ZNF607: variants seen among roughly 807,000 people sequenced by gnomAD.
The protein encoded by ZNF607 is zinc finger protein 607.
ZNF607 carries 5 observed loss-of-function variants against 12.8 expected under a neutral mutation model. The ratio of observed to expected loss-of-function variants is 0.39; its 90% CI spans 0.20 to 0.82. The LOEUF (loss-of-function observed/expected upper bound fraction) is 0.82, where lower values mean the gene tolerates loss of function less well. ZNF607 is among the 40% of genes least tolerant of loss of function. The probability of loss-of-function intolerance (pLI) is 0.39; values close to 1 mark genes in which losing one functional copy is unlikely to be tolerated. For missense variants in ZNF607, 851 were observed against 859.2 expected (o/e 0.99, Z 0.12); for synonymous variants, 287 against 276.2 (o/e 1.04, Z -0.39).
chr19:37,712,868 T>C (rs1174153353), intron 1 of ZNF607, among the ~76,000 whole-genome samples: 18 of 152,198 alleles, frequency 1.2e-4, no homozygotes, highest in Admixed American at 1.2e-3. Context: ...TCCCCAAACC[T>C]AAACTCACTT....
intron 4 of ZNF607, among the ~76,000 whole-genome samples, chr19:37,707,326 T>C (rs2891656): frequency 0.022 from 3,286 of 152,056 alleles, 127 homozygotes; most frequent in African/African-American, 0.074. Context: ...ACCCTGTCTC[T>C]ACAAAAATAC....
At position 37,717,593 on chromosome 19, in the gene ZNF607, C is replaced by T. The variant is rs1204813064; in HGVS notation, c.-75+1676G>A. 5.9e-3 allele frequency among the ~76,000 whole-genome samples: 858 copies of T among 145,472 alleles called. 10 individuals are homozygous for T. Among genetic ancestry groups the T allele is most frequent in the African/African-American group, 0.021 (809 of 39,172 alleles). ...GGTGGATCACCTGAGGTTGGGAGTT[C>T]AAGACCAGCCTGACCCACATGGAGA... On this transcript the variant is annotated intron_variant, in intron 1 of 4. Transcript: ENST00000355202.
chr19:37,703,454 C>T (rs2045056502), intron 4 of ZNF607, among the ~76,000 whole-genome samples: 1 of 152,126 alleles, frequency 6.6e-6, no homozygotes, highest in African/African-American at 2.4e-5. Flanking sequence ...CATCACCTCA[C>T]ACCCATCAGG....
In ZNF607 at chr19:37,699,652, T is replaced by C. The variant is rs978097059; in HGVS notation, c.479A>G (p.His160Arg). The C allele has an allele frequency of 6.2e-7, 1 of 1,614,146 alleles. No individual in the cohort carries two copies. The highest frequency in any genetic ancestry group is 1.7e-5 in the Admixed American group (1 of 60,034). Residue 160 changes from histidine (H) to arginine (R), a missense_variant, in exon 5 of 5, where the codon CAT becomes CGT. Physicochemically the swap from His to Arg is conservative, Grantham distance 29. Transcript: ENST00000355202. ...TTTCTCACGAGCATTAATTTTCTGA[T>C]GCTTTCTAAGGTCTGTAAGATGGCT... ...AFSHLTDLRK[H>R]QKINAREKPY...
Position 37,697,486 on chromosome 19 carries a change from T to C in ZNF607, c.*554A>G, listed in dbSNP as rs2044986455. 1.6e-6 allele frequency: 1 copy of C among 635,780 alleles called. No homozygotes were observed. Among genetic ancestry groups the C allele is most frequent in the South Asian group, 1.6e-5 (1 of 62,488 alleles). 39.4% of individuals were successfully genotyped at this position (635,780 alleles called of 1,614,324 possible). The stretch of plus-strand genomic sequence containing the variant: ...ATGTAATTCTAACAGCACTATACTG[T>C]AGGTACTACTATCATCATTTATATA... On this transcript the variant is annotated 3_prime_UTR_variant, in exon 5 of 5. Coordinates refer to ENST00000355202, the MANE Select transcript of ZNF607 (RefSeq NM_032689.5).
rs2044974267 is a variant in ZNF607 at position 37,696,430 on chromosome 19, A to AT, written c.*1609dup. On this transcript the variant is annotated 3_prime_UTR_variant, in exon 5 of 5. Transcript: ENST00000355202. Reference sequence around the variant, plus strand: ...AGTATATTTCATGTAGTTTCCCATAATTTTTTCATGTACTAACTCATGTAA... The same window carrying AT: ...AGTATATTTCATGTAGTTTCCCATAATTTTTTTCATGTACTAACTCATGTAA... 1 of 250,368 alleles carries AT rather than the reference A, an allele frequency of 4.0e-6. No homozygotes were observed. The highest frequency in any genetic ancestry group is 7.7e-6 in the Non-Finnish European group (1 of 129,246). 15.5% of individuals were successfully genotyped at this position (250,368 alleles called of 1,614,324 possible).
At chr19:37,716,131 A>C (rs1222284887) in intron 1 of ZNF607, among the ~76,000 whole-genome samples, 1 of 152,194 alleles carries the variant, frequency 6.6e-6, no homozygotes, top group Non-Finnish European at 1.5e-5. Flanking sequence ...TTACAGATCT[A>C]ATGGGCTTTG....
intron 1 of ZNF607, among the ~76,000 whole-genome samples, chr19:37,715,285 T>A (rs994366789): frequency 5.3e-5 from 8 of 151,982 alleles, no homozygotes; most frequent in South Asian, 2.1e-4. Flanking sequence ...ATGGCCCACC[T>A]TTAAGAAAAT....
At chr19:37,717,683 G>C (rs987084522) in intron 1 of ZNF607, among the ~76,000 whole-genome samples, 1 of 150,758 alleles carries the variant, frequency 6.6e-6, no homozygotes, top group Non-Finnish European at 1.5e-5. Context: ...GCCCATGCTT[G>C]TAATCTCAGC....
At chr19:37,715,303 T>G (rs2145250641) in intron 1 of ZNF607, among the ~76,000 whole-genome samples, 1 of 151,860 alleles carries the variant, frequency 6.6e-6, no homozygotes, top group South Asian at 2.1e-4. Flanking sequence ...AATACAAGTC[T>G]TCTTTAAAAA....
chr19:37,703,925 A>G (rs936766035), intron 4 of ZNF607, among the ~76,000 whole-genome samples: 12 of 152,316 alleles, frequency 7.9e-5, no homozygotes, highest in African/African-American at 2.9e-4. Context: ...TCATGAGGTC[A>G]GGAGATCGAG....
chr19:37,716,250 G>GA lies in ZNF607; in HGVS notation c.-75+3018dup, dbSNP rs1017363057. 1.4e-4 allele frequency among the ~76,000 whole-genome samples: 21 copies of GA among 151,436 alleles called. No individual in the cohort carries two copies. In the East Asian group the frequency reaches 2.1e-3, roughly 15 times the overall value. ...GGTGGAAACAAATAAGAGAACTATA[G>GA]AAAAAAAAATTGATTGGTGACTATC... On this transcript the variant is annotated intron_variant, in intron 1 of 4. Transcript: ENST00000355202.
chr19:37,706,175 CAG>C (rs961158289), intron 4 of ZNF607, among the ~76,000 whole-genome samples: 14 of 148,094 alleles, frequency 9.5e-5, no homozygotes, highest in Non-Finnish European at 2.1e-4. Flanking sequence ...GCCTGGGCAA[CAG>C]AGCAAGACTC....
chr19:37,703,202 GCCT>G (rs2045053661), intron 4 of ZNF607, among the ~76,000 whole-genome samples: 1 of 151,056 alleles, frequency 6.6e-6, no homozygotes, highest in African/African-American at 2.4e-5. Flanking sequence ...GCCCGCCTTG[GCCT>G]CCCAGAGTGA....
At position 37,698,548 on chromosome 19, in the gene ZNF607, C is replaced by G. The variant is rs150135894; in HGVS notation, c.1583G>C (p.Ser528Thr). The G allele has an allele frequency of 2.3e-4, 366 of 1,611,810 alleles. No individual in the cohort carries two copies. The highest frequency in any genetic ancestry group is 2.9e-4 in the Non-Finnish European group (341 of 1,178,272). Residue 528 changes from serine (S) to threonine (T), a missense_variant, in exon 5 of 5, where the codon AGT becomes ACT. Physicochemically the swap from Ser to Thr is moderately conservative, Grantham distance 58 (BLOSUM62 1). Coordinates refer to ENST00000355202, the MANE Select transcript of ZNF607 (RefSeq NM_032689.5). ...GTTGCATTCAAAGGGTTTCTTACCACTGTGAATACTCAGATGCTGAGTAAG... is the reference window on the plus strand; with the variant it reads ...GTTGCATTCAAAGGGTTTCTTACCAGTGTGAATACTCAGATGCTGAGTAAG... Reference protein sequence around the residue: ...GQLTQHLSIHSGKKPFECNKC... With the variant: ...GQLTQHLSIHTGKKPFECNKC...
At position 37,719,428 on chromosome 19, in the gene ZNF607, C is replaced by T. The variant is rs552995466; in HGVS notation, c.-234G>A. ...GGAGGCGGGAGACTCGCCCGGCCCG[C>T]CTGGGGGCCTCCGCGCTCTGAGCGC... On this transcript the variant is annotated 5_prime_UTR_variant, in exon 1 of 5. Coordinates refer to ENST00000355202, the MANE Select transcript of ZNF607 (RefSeq NM_032689.5). 2 of 152,816 alleles carry T rather than the reference C, an allele frequency of 1.3e-5. No individual in the cohort carries two copies. The highest frequency in any genetic ancestry group is 1.3e-4 in the Admixed American group (2 of 15,306). 9.5% of individuals were successfully genotyped at this position (152,816 alleles called of 1,614,324 possible).
chr19:37,710,582 G>A (rs1055588057), intron 2 of ZNF607, among the ~76,000 whole-genome samples: 10 of 152,180 alleles, frequency 6.6e-5, no homozygotes, highest in Non-Finnish European at 1.2e-4. Context: ...CTATCAGGGA[G>A]GGGAATGAAG....
intron 4 of ZNF607, 65 bp from the exon 5 acceptor site, chr19:37,699,960 G>C: frequency 7.3e-7 from 1 of 1,373,218 alleles, no homozygotes; most frequent in Non-Finnish European, 9.8e-7. Context: ...GTAGAATTAA[G>C]AGAAATTCTC....
chr19:37,699,268 T>C lies in ZNF607; in HGVS notation c.863A>G (p.Lys288Arg). The C allele has an allele frequency of 6.2e-7, 1 of 1,614,144 alleles. No individual in the cohort carries two copies. The change falls in exon 5 of 5, where the codon AAG becomes AGG. Residue 288 changes from lysine to arginine, a missense_variant. Physicochemically the swap from Lys to Arg is conservative, Grantham distance 26. Transcript: ENST00000355202. Reference protein sequence around the residue: ...EKPHECKECGKAFRQFSHLVG... With the variant: ...EKPHECKECGRAFRQFSHLVG... ...AAGGTGGGAAAACTGACGAAAGGCC[T>C]TTCCACATTCCTTACATTCATGTGG...
Sources: gnomAD v4.1 joint callset for allele counts (sites outside exome capture counted in the v4.1 genomes callset) on GRCh38, gnomAD v4.1.1 for gene constraint, MANE v1.5 for transcripts, NCBI Gene and HGNC (gene_info 2026-07-23, HGNC 2026-07-21) for gene names.